The following DUSP19 variants were observed in gnomAD, a reference collection of about 807,000 sequenced individuals.
DUSP19 encodes dual specificity phosphatase 19, also known as dual specificity protein phosphatase 19.
Under a neutral mutation model 16.6 loss-of-function variants are expected in DUSP19, and 14 were observed. The ratio of observed to expected loss-of-function variants is 0.84; its 90% CI spans 0.56 to 1.32. DUSP19 has a LOEUF of 1.32. Among genes scored for constraint, DUSP19 ranks in the 40% most tolerant of loss-of-function variants. The pLI, the probability that DUSP19 is intolerant of heterozygous loss-of-function variation, is 0.00. For missense variants in DUSP19, 258 were observed against 255.9 expected (o/e 1.01, Z -0.06); for synonymous variants, 81 against 90.5 (o/e 0.90, Z 0.59).
At chr2:183,080,619 A>T (rs1699581055) in intron 1 of DUSP19, among the ~76,000 whole-genome samples, 1 of 152,226 alleles carries the variant, frequency 6.6e-6, no homozygotes, top group African/African-American at 2.4e-5. Context: ...GAATTTTCAT[A>T]TATCATTCAC....
intron 3 of DUSP19, 90 bp downstream of exon 3, chr2:183,087,282 C>A: frequency 8.1e-7 from 1 of 1,235,528 alleles, no homozygotes; most frequent in Non-Finnish European, 1.1e-6. Flanking sequence ...TATAATGAAT[C>A]TCTAAAAAAC....
chr2:183,093,315 T>C (rs2705731), intron 3 of DUSP19, among the ~76,000 whole-genome samples: 14,446 of 152,180 alleles, frequency 0.095, 833 homozygotes, highest in Non-Finnish European at 0.12. Flanking sequence ...TAGCAAAAAG[T>C]TATGGAATAA....
At chr2:183,088,560 C>G (rs1699693683) in intron 3 of DUSP19, among the ~76,000 whole-genome samples, 1 of 150,778 alleles carries the variant, frequency 6.6e-6, no homozygotes, top group Admixed American at 6.6e-5. Flanking sequence ...GTAGTTGGGA[C>G]TATAGGAGCA....
At position 183,098,555 on chromosome 2, in the gene DUSP19, T is replaced by C. The variant is rs1699833819; in HGVS notation, c.*2897T>C. On this transcript the variant is annotated 3_prime_UTR_variant, in exon 4 of 4. Coordinates refer to ENST00000354221, the MANE Select transcript of DUSP19 (RefSeq NM_080876.4). Reference sequence around the variant, plus strand: ...ACATACACCAAATATAGGTCTGTTTTAAAGGAGAGGAAAAATAGTTCAAGG... The same window carrying C: ...ACATACACCAAATATAGGTCTGTTTCAAAGGAGAGGAAAAATAGTTCAAGG... The C allele has an allele frequency of 6.6e-6, 1 of 152,224 alleles. No homozygotes were observed. Among genetic ancestry groups the C allele is most frequent in the Non-Finnish European group, 1.5e-5 (1 of 68,024 alleles). 9.4% of individuals were successfully genotyped at this position (152,224 alleles called of 1,614,324 possible).
intron 3 of DUSP19, among the ~76,000 whole-genome samples, chr2:183,090,949 G>A (rs1449589934): frequency 1.3e-5 from 2 of 152,142 alleles, no homozygotes; most frequent in East Asian, 1.9e-4. Context: ...ATGTGAGATC[G>A]GGAACTCTGG....
intron 3 of DUSP19, 102 bp downstream of exon 3, chr2:183,087,294 A>G (rs1160696424): frequency 1.5e-5 from 18 of 1,175,862 alleles, no homozygotes; most frequent in African/African-American, 3.1e-5. Flanking sequence ...CTAAAAAACA[A>G]TTATGAAATT....
rs1399391500 is a variant in DUSP19, at chr2:183,099,350, T to C, written c.*3692T>C. 6.6e-6 allele frequency: 1 copy of C among 152,226 alleles called. No homozygotes were observed. The highest frequency in any genetic ancestry group is 1.5e-5 in the Non-Finnish European group (1 of 68,034). 9.4% of individuals were successfully genotyped at this position (152,226 alleles called of 1,614,324 possible). ...CCAGGTGACTCTAAATAGTTGATTT[T>C]TCTGCCTGAAGGATCCTGAACATAT... On this transcript the variant is annotated 3_prime_UTR_variant, in exon 4 of 4. Transcript: ENST00000354221.
Position 183,078,908 on chromosome 2 carries a change from A to G in DUSP19, c.-26A>G, listed in dbSNP as rs1237921517. On this transcript the variant is annotated 5_prime_UTR_variant, in exon 1 of 4. Transcript: ENST00000354221. The stretch of plus-strand genomic sequence containing the variant: ...TTCTATGCCTGCTGGATTTGTTTGT[A>G]TTTGTTCCCAGCCACTGCTCATGTA... 2 of 1,607,360 alleles carry G rather than the reference A, an allele frequency of 1.2e-6. No individual in the cohort carries two copies. Among genetic ancestry groups the G allele is most frequent in the Admixed American group, 1.7e-5 (1 of 59,754 alleles).
At chr2:183,083,064 G>T (rs1462833030) in intron 1 of DUSP19, among the ~76,000 whole-genome samples, 1 of 151,298 alleles carries the variant, frequency 6.6e-6, no homozygotes, top group Non-Finnish European at 1.5e-5. Context: ...ACCATGCCTG[G>T]CTAATTAAAA....
chr2:183,088,543 C>G (rs1401270699), intron 3 of DUSP19, among the ~76,000 whole-genome samples: 1 of 151,042 alleles, frequency 6.6e-6, no homozygotes, highest in Non-Finnish European at 1.5e-5. Context: ...CTGCCTCAGC[C>G]TCCCAGGTAG....
chr2:183,083,270 C>A, intron 1 of DUSP19: 1 of 423,694 alleles, frequency 2.4e-6, no homozygotes, highest in Non-Finnish European at 4.2e-6. Flanking sequence ...TGGTGAACAT[C>A]CTTACAGCTA....
At chr2:183,089,360 G>A (rs1034080075) in intron 3 of DUSP19, among the ~76,000 whole-genome samples, 1 of 152,160 alleles carries the variant, frequency 6.6e-6, no homozygotes, top group Non-Finnish European at 1.5e-5. Context: ...TGGAAGGGAG[G>A]ATTTATCTGC....
chr2:183,098,495 G>A lies in DUSP19; in HGVS notation c.*2837G>A, dbSNP rs959852519. ...TTTAAAAAAAGAACTTTATGATTAC[G>A]GTCCTCTTTCTCACATACTGCAAAC... On this transcript the variant is annotated 3_prime_UTR_variant, in exon 4 of 4. Coordinates refer to ENST00000354221, the MANE Select transcript of DUSP19 (RefSeq NM_080876.4). The A allele has an allele frequency of 1.3e-5, 2 of 152,012 alleles. No homozygotes were observed. The highest frequency in any genetic ancestry group is 2.9e-5 in the Non-Finnish European group (2 of 68,018). The allele number at this position is 152,012 out of a possible 1,614,324, so 9.4% of individuals were successfully genotyped here. A position where few individuals can be genotyped will look rare whatever the true frequency, so the allele number is the denominator to read the frequency against.
rs992521632 is a variant in DUSP19, at chr2:183,096,213, A to G, written c.*555A>G. The G allele has an allele frequency of 1.3e-5, 2 of 151,724 alleles. No homozygotes were observed. The highest frequency in any genetic ancestry group is 2.9e-5 in the Non-Finnish European group (2 of 67,964). 9.4% of individuals were successfully genotyped at this position (151,724 alleles called of 1,614,324 possible). A position where few individuals can be genotyped will look rare whatever the true frequency, so the allele number is the denominator to read the frequency against. Reference sequence around the variant, plus strand: ...ATTCTTATGTTCTCTTATGAAAAATATACACTTTTCATTTTGTCTTCTTCT... The same window carrying G: ...ATTCTTATGTTCTCTTATGAAAAATGTACACTTTTCATTTTGTCTTCTTCT... On this transcript the variant is annotated 3_prime_UTR_variant, in exon 4 of 4. Coordinates refer to ENST00000354221, the MANE Select transcript of DUSP19 (RefSeq NM_080876.4).
At chr2:183,086,931 G>A (rs765689696) in intron 2 of DUSP19, 109 bp from the exon 3 acceptor site, 36 of 987,008 alleles carry the variant, frequency 3.6e-5, no homozygotes, top group African/African-American at 1.2e-4. Context: ...CAAGTGAGTC[G>A]CATTTAAATT....
chr2:183,093,703 C>G (rs1317161820), intron 3 of DUSP19, among the ~76,000 whole-genome samples: 1 of 152,048 alleles, frequency 6.6e-6, no homozygotes, highest in Admixed American at 6.6e-5. Flanking sequence ...AAAACATTAG[C>G]TAAAATTGGA....
chr2:183,085,028 GA>G (rs1249756437), intron 2 of DUSP19, among the ~76,000 whole-genome samples: 2 of 152,160 alleles, frequency 1.3e-5, no homozygotes, highest in Non-Finnish European at 2.9e-5. Flanking sequence ...AACGTAGAAG[GA>G]ACAGGCTTTG....
rs75674163 is a variant in DUSP19 at position 183,079,055 on chromosome 2, A to G, written c.122A>G (p.His41Arg). ...IIETWKDARI[H>R]VVEEVEPSSG... Reference sequence around the variant, plus strand: ...GAAACATGGAAAGATGCCAGAATTCATGTTGTGGAAGAAGTAGAGCCGAGC... The same window carrying G: ...GAAACATGGAAAGATGCCAGAATTCGTGTTGTGGAAGAAGTAGAGCCGAGC... Residue 41 changes from histidine (H) to arginine (R), a missense_variant, in exon 1 of 4, where the codon CAT (histidine) becomes CGT (arginine). Coordinates refer to ENST00000354221, the MANE Select transcript of DUSP19 (RefSeq NM_080876.4). 4.6e-4 allele frequency: 737 copies of G among 1,614,178 alleles called. 3 individuals carry two copies. In the African/African-American group the frequency reaches 8.9e-3, roughly 20 times the overall value.
rs972198186 is a variant in DUSP19, at chr2:183,098,448, T to G, written c.*2790T>G. On this transcript the variant is annotated 3_prime_UTR_variant, in exon 4 of 4. Transcript: ENST00000354221. ...TTATTGCACTTCCCATGGGGATAAA[T>G]CACTCTGTCATTCCTAGTTATTTTA... The G allele has an allele frequency of 6.6e-6, 1 of 152,214 alleles. No individual in the cohort carries two copies. Among genetic ancestry groups the G allele is most frequent in the Non-Finnish European group, 1.5e-5 (1 of 68,042 alleles). The allele number at this position is 152,214 out of a possible 1,614,324, so 9.4% of individuals were successfully genotyped here.
Sources: allele counts gnomAD v4.1 joint callset (sites outside exome capture counted in the v4.1 genomes callset), GRCh38; gene constraint gnomAD v4.1.1; transcripts MANE v1.5; gene names NCBI Gene and HGNC (gene_info 2026-07-23, HGNC 2026-07-21).